APP: variants seen among roughly 807,000 people sequenced by gnomAD.
The protein encoded by APP is amyloid-beta precursor protein.
Under a neutral mutation model 101.4 loss-of-function variants are expected in APP, and 31 were observed. The observed-to-expected ratio is 0.31, with a 90% confidence interval of 0.23 to 0.41. The LOEUF is 0.41. APP is among the 10% of genes least tolerant of loss of function. The probability of loss-of-function intolerance (pLI) is 1.00; values close to 1 mark genes in which losing one functional copy is unlikely to be tolerated. For synonymous variants in APP, 366 were observed against 364.4 expected, an observed-to-expected ratio of 1.00 and a Z score of -0.05; for missense variants, 839 against 1,003.7, an observed-to-expected ratio of 0.84 and a Z score of 2.22.
intron 13 of APP, among the ~76,000 whole-genome samples, chr21:25,914,606 T>TG (rs2039254226): frequency 7.2e-6 from 1 of 138,802 alleles, no homozygotes; most frequent in Admixed American, 8.0e-5. Flanking sequence ...CAGGCTGGAG[T>TG]GCAGTGGCGC....
Position 26,000,080 on chromosome 21 carries a change from C to A in APP, c.968G>T (p.Gly323Val). 6.2e-7 allele frequency: 1 copy of A among 1,614,202 alleles called. No homozygotes were observed. The highest frequency in any genetic ancestry group is 8.5e-7 in the Non-Finnish European group (1 of 1,180,024). ...EGKCAPFFYG[G>V]CGGNRNNFDT... ...AAAGTTGTTCCGGTTGCCGCCACAT[C>A]CGCCGTAAAAGAATGGGGCACACTT... Residue 323 changes from glycine (G) to valine (V), a missense_variant, in exon 7 of 18, where the codon GGA becomes GTA. By Grantham distance (109) the Gly-to-Val change is moderately radical. Transcript: ENST00000346798.
chr21:25,978,945 C>G (rs2042323271), intron 9 of APP, among the ~76,000 whole-genome samples: 2 of 152,102 alleles, frequency 1.3e-5, no homozygotes, highest in African/African-American at 4.8e-5. Context: ...AGCAAGACTC[C>G]ATCTCCAAAA....
chr21:26,107,247 G>A (rs1357233184), intron 2 of APP, among the ~76,000 whole-genome samples: 1 of 152,168 alleles, frequency 6.6e-6, no homozygotes, highest in Non-Finnish European at 1.5e-5. Context: ...CCTGTACCAT[G>A]GAAATAATTT....
Position 26,051,012 on chromosome 21 carries a change from T to C in APP, c.650A>G (p.Tyr217Cys). The change falls in exon 5 of 18, where the codon TAT (tyrosine) becomes TGT (cysteine). Residue 217 changes from tyrosine (Y) to cysteine (C), a missense_variant. Transcript: ENST00000346798. ...DVWWGGADTD[Y>C]ADGSEDKVVE... Reference sequence around the variant, plus strand: ...AAGGCCACCTTACCTCCCATCTGCATAGTCTGTGTCTGCTCCGCCCCACCA... The same window carrying C: ...AAGGCCACCTTACCTCCCATCTGCACAGTCTGTGTCTGCTCCGCCCCACCA... 1 of 1,614,176 alleles carries C rather than the reference T, an allele frequency of 6.2e-7. No homozygotes were observed. The highest frequency in any genetic ancestry group is 1.3e-5 in the African/African-American group (1 of 75,054).
At chr21:25,881,881 T>C in intron 17 of APP, 110 bp from the exon 18 acceptor site, 1 of 1,138,504 alleles carries the variant, frequency 8.8e-7, no homozygotes, top group East Asian at 2.5e-5. Flanking sequence ...TTGCCAAGAT[T>C]GCAGAACACC....
At chr21:26,087,966 C>A (rs1056106085) in intron 3 of APP, among the ~76,000 whole-genome samples, 1 of 152,100 alleles carries the variant, frequency 6.6e-6, no homozygotes, top group African/African-American at 2.4e-5. Context: ...TCCTTTATTA[C>A]TTGTTGTACT....
chr21:25,994,948 TG>T (rs1451068143), intron 8 of APP, among the ~76,000 whole-genome samples: 4 of 152,252 alleles, frequency 2.6e-5, no homozygotes, highest in Non-Finnish European at 5.9e-5. Context: ...TTGCTGTGAT[TG>T]AATAGTCTCT....
chr21:25,999,800 A>T (rs1254010915), intron 7 of APP, among the ~76,000 whole-genome samples: 1 of 152,222 alleles, frequency 6.6e-6, no homozygotes, highest in East Asian at 1.9e-4. Context: ...AAGAGAACAC[A>T]TCCATGGCCA....
intron 17 of APP, among the ~76,000 whole-genome samples, chr21:25,889,203 T>C (rs2037533651): frequency 6.6e-6 from 1 of 152,188 alleles, no homozygotes; most frequent in South Asian, 2.1e-4. Context: ...GTTATTAAAG[T>C]TAAACAAGGT....
Position 25,881,659 on chromosome 21 carries a change from G to A in APP, c.*11C>T, listed in dbSNP as rs201602257. The A allele has an allele frequency of 6.2e-7, 1 of 1,612,680 alleles. No homozygotes were observed. Among genetic ancestry groups the A allele is most frequent in the Non-Finnish European group, 8.5e-7 (1 of 1,178,910 alleles). ...TTGCTGTCCAACTTCAGAGGCTGCT[G>A]TGGCGGGGGTCTAGTTCTGCATCTG... On this transcript the variant is annotated 3_prime_UTR_variant, in exon 18 of 18. Coordinates refer to ENST00000346798, the MANE Select transcript of APP (RefSeq NM_000484.4).
rs1031287752 is a variant in APP, at chr21:26,169,743, G to C, written c.57+821C>G. Among the ~76,000 whole-genome samples the C allele has an allele frequency of 2.6e-5, 4 of 152,344 alleles. No homozygotes were observed. The South Asian group carries it at 8.3e-4, about 32-fold the overall frequency. On this transcript the variant is annotated intron_variant, in intron 1 of 17. Coordinates refer to ENST00000346798, the MANE Select transcript of APP (RefSeq NM_000484.4). Reference sequence around the variant, plus strand: ...CGGCTCGGCCCACGGCGAGGGCGGGGTGTCGCGGCTTTTGTTCCCGCGGAC... The same window carrying C: ...CGGCTCGGCCCACGGCGAGGGCGGGCTGTCGCGGCTTTTGTTCCCGCGGAC...
chr21:25,913,509 G>C (rs2039185474), intron 13 of APP, among the ~76,000 whole-genome samples: 1 of 152,174 alleles, frequency 6.6e-6, no homozygotes, highest in African/African-American at 2.4e-5. Flanking sequence ...AATTAAATGA[G>C]CATTTCTTTT....
chr21:26,007,481 A>G (rs12482689), intron 6 of APP, among the ~76,000 whole-genome samples: 13,723 of 147,714 alleles, frequency 0.093, 1,020 homozygotes, highest in East Asian at 0.31. Context: ...ATATAATTAT[A>G]TAATACAATA....
chr21:26,080,332 C>CCTATAGAAATGGCTAAG (rs1406570299), intron 3 of APP, among the ~76,000 whole-genome samples: 3 of 152,118 alleles, frequency 2.0e-5, no homozygotes, highest in African/African-American at 7.2e-5. Flanking sequence ...GCTGGAATTT[C>CCTATAGAAATGGCTAAG]CTATAGAAAT....
chr21:26,090,684 C>T (rs146304154), intron 2 of APP, among the ~76,000 whole-genome samples: 17 of 152,232 alleles, frequency 1.1e-4, no homozygotes, highest in African/African-American at 3.9e-4. Flanking sequence ...CCTAAACAAA[C>T]GTTACAGTAG....
chr21:25,914,428 T>C (rs190319720), intron 13 of APP, among the ~76,000 whole-genome samples: 1 of 149,140 alleles, frequency 6.7e-6, no homozygotes, highest in East Asian at 2.0e-4. Context: ...TTCCACCCCG[T>C]GCCCCCGAAT....
intron 16 of APP, among the ~76,000 whole-genome samples, chr21:25,893,517 G>A (rs2037830271): frequency 6.6e-6 from 1 of 152,198 alleles, no homozygotes; most frequent in Admixed American, 6.5e-5. Flanking sequence ...AAGCAAAACA[G>A]CCTTATTGCT....
chr21:26,088,210 T>C (rs1291707172), intron 3 of APP, among the ~76,000 whole-genome samples: 1 of 152,166 alleles, frequency 6.6e-6, no homozygotes, highest in Non-Finnish European at 1.5e-5. Flanking sequence ...TAGGATAAAA[T>C]AGACCTGGGG....
At chr21:25,960,668 A>T (rs2146513863) in intron 11 of APP, among the ~76,000 whole-genome samples, 1 of 152,298 alleles carries the variant, frequency 6.6e-6, no homozygotes, top group South Asian at 2.1e-4. Context: ...CTCCAGGGAT[A>T]ATGAGACCTG....
Sources: allele counts gnomAD v4.1 joint callset (sites outside exome capture counted in the v4.1 genomes callset), GRCh38; gene constraint gnomAD v4.1.1; transcripts MANE v1.5; gene names NCBI Gene and HGNC (gene_info 2026-07-23, HGNC 2026-07-21).